The following NDRG2 variants were observed in gnomAD, a reference collection of about 807,000 sequenced individuals.
NDRG2 encodes the protein protein NDRG2.
A neutral mutation model predicts 58.2 loss-of-function variants in NDRG2; 34 were observed. The ratio of observed to expected loss-of-function variants is 0.58; its 90% CI spans 0.44 to 0.78. NDRG2 has a LOEUF of 0.78. Among genes scored for constraint, NDRG2 ranks in the 30% least tolerant of loss-of-function variants. The pLI is 0.00. For missense variants in NDRG2, 434 were observed against 471.2 expected (o/e 0.92, Z 0.73); for synonymous variants, 187 against 175.9 (o/e 1.06, Z -0.50).
chr14:21,052,977 C>T (rs1885530701), intron 1 of NDRG2, among the ~76,000 whole-genome samples: 1 of 152,170 alleles, frequency 6.6e-6, no homozygotes, highest in Admixed American at 6.5e-5. Context: ...TGTTAGCCTA[C>T]TAATCGATAT....
intron 1 of NDRG2, among the ~76,000 whole-genome samples, chr14:21,039,863 A>G (rs1884810670): frequency 6.6e-6 from 1 of 152,220 alleles, no homozygotes; most frequent in Non-Finnish European, 1.5e-5. Context: ...TGAAGAGCAA[A>G]CTAGGATAAT....
At chr14:21,042,165 G>A (rs1390711492) in intron 1 of NDRG2, 1 of 152,220 alleles carries the variant, frequency 6.6e-6, no homozygotes, top group East Asian at 1.9e-4. Context: ...CGAATGTGAC[G>A]ATTCAAGCTT....
At chr14:21,042,818 T>A (rs1884962930) in intron 1 of NDRG2, 1 of 613,900 alleles carries the variant, frequency 1.6e-6, no homozygotes, top group African/African-American at 1.9e-5. Context: ...CTGCAGTGGA[T>A]GTGGACACAC....
chr14:21,032,846 TGATTA>T (rs1481474990), intron 1 of NDRG2: 1 of 423,036 alleles, frequency 2.4e-6, no homozygotes, highest in Non-Finnish European at 4.6e-6. Flanking sequence ...TATTTTGAAT[TGATTA>T]TGGGTTGACA....
intron 6 of NDRG2, 128 bp from the exon 7 acceptor site, chr14:21,020,972 T>C (rs1159520517): frequency 1.9e-6 from 2 of 1,066,434 alleles, no homozygotes; most frequent in Non-Finnish European, 2.8e-6. Context: ...CACGGACCTT[T>C]CTTTGGAGGA....
Position 21,023,356 on chromosome 14 carries a change from C to G in NDRG2, c.-6-35G>C, listed in dbSNP as rs372784548. On this transcript the variant is annotated intron_variant, in intron 1 of 15. Transcript: ENST00000556147. ...TGAGGAAATGAGACTGGGAAGTTGT[C>G]TCTACATCCCCACATCGCCTCAAAC... The G allele has an allele frequency of 1.9e-5, 29 of 1,565,902 alleles. No individual in the cohort carries two copies. In the African/African-American group the frequency reaches 3.8e-4, roughly 20 times the overall value.
At chr14:21,058,033 T>C (rs1420434085) in intron 1 of NDRG2, 1 of 1,614,006 alleles carries the variant, frequency 6.2e-7, no homozygotes, top group Non-Finnish European at 8.5e-7. Context: ...AGCCCAGCCC[T>C]CAAGCATGCA....
At chr14:21,051,247 G>A (rs976845009) in intron 1 of NDRG2, among the ~76,000 whole-genome samples, 41 of 152,292 alleles carry the variant, frequency 2.7e-4, no homozygotes, top group African/African-American at 9.6e-4. Flanking sequence ...GGGTAGTCAT[G>A]GGGCTAGGGC....
intron 1 of NDRG2, among the ~76,000 whole-genome samples, chr14:21,036,638 C>T (rs1403844909): frequency 6.6e-6 from 1 of 152,158 alleles, no homozygotes; most frequent in Non-Finnish European, 1.5e-5. Flanking sequence ...GCATCTGCAT[C>T]CCTGCCTGCT....
intron 1 of NDRG2, among the ~76,000 whole-genome samples, chr14:21,051,614 G>C (rs750434176): frequency 4.6e-5 from 7 of 152,318 alleles, no homozygotes; most frequent in Non-Finnish European, 1.0e-4. Context: ...GGCACCATAG[G>C]AAGGCCTCAA....
rs1456380407 is a variant in NDRG2 at position 21,024,608 on chromosome 14, T to C, written c.-585A>G. Reference sequence around the variant, plus strand: ...TTCTCTCCTCTACTCAGTCTCCGTGTAGGTCCCACGAGTGGAGAAAGGGAG... The same window carrying C: ...TTCTCTCCTCTACTCAGTCTCCGTGCAGGTCCCACGAGTGGAGAAAGGGAG... On this transcript the variant is annotated 5_prime_UTR_variant, in exon 1 of 16. Coordinates refer to ENST00000556147, the MANE Select transcript of NDRG2 (RefSeq NM_001320329.2). The C allele has an allele frequency of 1.0e-6, 1 of 985,332 alleles. No individual in the cohort carries two copies. 61.0% of individuals were successfully genotyped at this position (985,332 alleles called of 1,614,324 possible). A position where few individuals can be genotyped will look rare whatever the true frequency, so the allele number is the denominator to read the frequency against.
At chr14:21,063,041 G>A (rs553289816) in intron 1 of NDRG2, among the ~76,000 whole-genome samples, 1 of 151,900 alleles carries the variant, frequency 6.6e-6, no homozygotes, top group South Asian at 2.1e-4. Context: ...GAAGTGGGAG[G>A]ATTGCTTGAG....
At chr14:21,052,098 G>A (rs1025386306) in intron 1 of NDRG2, among the ~76,000 whole-genome samples, 3 of 152,108 alleles carry the variant, frequency 2.0e-5, no homozygotes, top group Non-Finnish European at 2.9e-5. Context: ...AGAACCAGGG[G>A]GCATTTTAGA....
chr14:21,061,197 G>C (rs946255326), intron 1 of NDRG2, among the ~76,000 whole-genome samples: 4 of 152,142 alleles, frequency 2.6e-5, no homozygotes, highest in Non-Finnish European at 5.9e-5. Flanking sequence ...TAATTTTCCC[G>C]TTGGATATTT....
Position 21,060,600 on chromosome 14 carries a change from A to T in NDRG2, c.24+10228T>A, listed in dbSNP as rs1425334172. ...TTAACCTACTCCCAAAGACAGGTATATCTCCAGCCCAGAGCTCCCAAAGTC... is the reference window on the plus strand; with the variant it reads ...TTAACCTACTCCCAAAGACAGGTATTTCTCCAGCCCAGAGCTCCCAAAGTC... On this transcript the variant is annotated intron_variant, in intron 1 of 14. Transcript: ENST00000403829. 2.0e-5 allele frequency among the ~76,000 whole-genome samples: 3 copies of T among 152,264 alleles called. No individual in the cohort carries two copies. In the East Asian group the frequency reaches 5.8e-4, roughly 29 times the overall value.
intron 3 of NDRG2, 78 bp from the exon 4 acceptor site, chr14:21,022,575 C>T: frequency 1.8e-6 from 2 of 1,084,324 alleles, no homozygotes; most frequent in East Asian, 2.4e-5. Context: ...GGTCAGGGAG[C>T]TGGGAGTGGG....
In NDRG2 at chr14:21,017,683, C is replaced by T. The variant is rs1441534985; in HGVS notation, c.1029G>A (p.Arg343=). The change falls in exon 16 of 16, where the codon CGG becomes CGA. Residue 343 remains arginine (R), a synonymous_variant. Transcript: ENST00000556147. ...TCTGGGACAGGGTGCGAGAGCGGGA[C>T]CGGTTGCCATCAACGGATGCTGCAC... ...LTSAASVDGN[R]SRSRTLSQSS... 3.7e-6 allele frequency: 6 copies of T among 1,610,892 alleles called. No homozygotes were observed. The highest frequency in any genetic ancestry group is 5.1e-6 in the Non-Finnish European group (6 of 1,178,516).
At chr14:21,066,957 A>G (rs540924095) in intron 1 of NDRG2, among the ~76,000 whole-genome samples, 59 of 152,332 alleles carry the variant, frequency 3.9e-4, no homozygotes, top group African/African-American at 1.4e-3. Flanking sequence ...AGCTAACAAG[A>G]ACACGTGCTC....
rs569096336 is a variant in NDRG2 at position 21,057,730 on chromosome 14, T to A, written c.24+13098A>T. On this transcript the variant is annotated intron_variant, in intron 1 of 14. Coordinates refer to the NDRG2 transcript ENST00000403829. ...AAAAAGGCACATTATCTGCTGGTAC[T>A]AAACAATAGAATGCCAGGGGTGTTC... 4.8e-5 allele frequency: 30 copies of A among 631,114 alleles called. No individual in the cohort carries two copies. In the South Asian group the frequency reaches 5.3e-4, roughly 11 times the overall value. 39.1% of individuals were successfully genotyped at this position (631,114 alleles called of 1,614,324 possible).
Sources: allele counts gnomAD v4.1 joint callset (sites outside exome capture counted in the v4.1 genomes callset), GRCh38; gene constraint gnomAD v4.1.1; transcripts MANE v1.5; gene names NCBI Gene and HGNC (gene_info 2026-07-23, HGNC 2026-07-21).